KCNN2: variants seen among roughly 807,000 people sequenced by gnomAD.
KCNN2 encodes the protein small conductance calcium-activated potassium channel protein 2.
In KCNN2, 24 loss-of-function variants were observed where a neutral mutation model predicts 55.5. The observed-to-expected ratio is 0.43, with a 90% CI of 0.31 to 0.61. KCNN2 has a LOEUF of 0.61. KCNN2 is among the 20% of genes least tolerant of loss of function. The pLI is 0.08. For missense variants in KCNN2, 754 were observed against 853.6 expected (o/e 0.88, Z 1.45); for synonymous variants, 431 against 336.1 (o/e 1.28, Z -3.09).
At chr5:114,193,768 A>G (rs1047296129) in intron 1 of KCNN2, among the ~76,000 whole-genome samples, 1 of 152,022 alleles carries the variant, frequency 6.6e-6, no homozygotes, top group Non-Finnish European at 1.5e-5. Flanking sequence ...CTACCCTAGA[A>G]TTCAAGCTCT....
intron 2 of KCNN2, among the ~76,000 whole-genome samples, chr5:114,300,276 T>G (rs1756126188): frequency 6.6e-6 from 1 of 152,198 alleles, no homozygotes; most frequent in Non-Finnish European, 1.5e-5. Flanking sequence ...AAAGTCTGCT[T>G]TGGAGTTAAA....
intron 1 of KCNN2, among the ~76,000 whole-genome samples, chr5:114,075,606 A>G (rs963483405): frequency 4.6e-5 from 7 of 152,236 alleles, no homozygotes; most frequent in African/African-American, 1.7e-4. Flanking sequence ...TTGGCCACAA[A>G]TCCTTCCCAC....
chr5:114,126,452 C>G (rs918531191), intron 1 of KCNN2, among the ~76,000 whole-genome samples: 1 of 152,058 alleles, frequency 6.6e-6, no homozygotes, highest in Non-Finnish European at 1.5e-5. Flanking sequence ...GGGGAAGCCC[C>G]TTATAAAATC....
At chr5:114,467,912 G>A (rs1186494887) in intron 4 of KCNN2, among the ~76,000 whole-genome samples, 1 of 152,224 alleles carries the variant, frequency 6.6e-6, no homozygotes, top group African/African-American at 2.4e-5. Context: ...TTTAAACCGA[G>A]GGATGATTCA....
intron 2 of KCNN2, among the ~76,000 whole-genome samples, chr5:114,262,134 G>A (rs992613283): frequency 6.6e-6 from 1 of 152,094 alleles, no homozygotes; most frequent in Admixed American, 6.6e-5. Context: ...TGCTTGTGCC[G>A]ATCTATATTT....
intron 1 of KCNN2, among the ~76,000 whole-genome samples, chr5:114,122,371 A>T (rs1003851164): frequency 6.6e-6 from 1 of 152,166 alleles, no homozygotes; most frequent in African/African-American, 2.4e-5. Flanking sequence ...ACAGGAAGAG[A>T]TGGTGCTTTA....
At chr5:114,459,082 G>A (rs1006979730) in intron 3 of KCNN2, among the ~76,000 whole-genome samples, 3 of 152,214 alleles carry the variant, frequency 2.0e-5, no homozygotes. Context: ...AAGAAAGAGT[G>A]TGAGACCCTT....
chr5:114,362,965 C>G lies in KCNN2; in HGVS notation c.826C>G (p.Pro276Ala), dbSNP rs1397755315. The G allele has an allele frequency of 1.3e-6, 2 of 1,588,788 alleles. No individual in the cohort carries two copies. Among genetic ancestry groups the G allele is most frequent in the East Asian group, 2.3e-5 (1 of 43,816 alleles). The change falls in exon 1 of 8, where the codon CCC (proline) becomes GCC (alanine). Residue 276 changes from proline to alanine, a missense_variant. Physicochemically the swap from Pro to Ala is conservative, Grantham distance 27 (BLOSUM62 -1). Coordinates refer to ENST00000673685, the MANE Select transcript of KCNN2 (RefSeq NM_021614.4). Reference protein sequence around the residue: ...AAAAAVSSSAPEIVVSKPEHN... With the variant: ...AAAAAVSSSAAEIVVSKPEHN... ...CGCCGCCGCTGTTTCGTCCTCAGCC[C>G]CCGAGATCGTGGTGTCTAAGCCCGA... is the stretch of plus-strand genomic sequence containing the variant.
intron 1 of KCNN2, chr5:114,056,577 A>C (rs1485378667): frequency 2.5e-6 from 1 of 394,742 alleles, no homozygotes; most frequent in Non-Finnish European, 4.5e-6. Context: ...GAGGATACTA[A>C]AGTGAAGTTT....
intron 1 of KCNN2, among the ~76,000 whole-genome samples, chr5:114,085,290 T>C (rs764213265): frequency 3.3e-5 from 5 of 151,964 alleles, no homozygotes; most frequent in African/African-American, 4.8e-5. Flanking sequence ...TTGTATTGAA[T>C]CTATGGGGCA....
chr5:114,362,861 C>T lies in KCNN2; in HGVS notation c.722C>T (p.Ser241Leu). The T allele has an allele frequency of 6.3e-7, 1 of 1,599,876 alleles. No individual in the cohort carries two copies. Among genetic ancestry groups the T allele is most frequent in the Non-Finnish European group, 8.5e-7 (1 of 1,178,916 alleles). ...CGCCGGAACCTGCACGAGATGGACT[C>T]AGAGGCGCAGCCCCTGCAGCCCCCC... ...ASRRNLHEMD[S>L]EAQPLQPPAS... The change falls in exon 1 of 8, where the codon TCA becomes TTA. Residue 241 changes from serine to leucine, a missense_variant. Around this residue, in one of 4 missense-constraint regions of KCNN2, gnomAD observed 381 missense variants for 259.1 expected, o/e 1.47. Coordinates refer to ENST00000673685, the MANE Select transcript of KCNN2 (RefSeq NM_021614.4).
chr5:114,236,499 C>T (rs1443877142), intron 2 of KCNN2, among the ~76,000 whole-genome samples: 1 of 151,910 alleles, frequency 6.6e-6, no homozygotes, highest in Non-Finnish European at 1.5e-5. Context: ...CTCATGAATC[C>T]AGAATCTAAA....
chr5:114,324,902 G>C (rs1756686648), intron 2 of KCNN2, among the ~76,000 whole-genome samples: 1 of 152,064 alleles, frequency 6.6e-6, no homozygotes, highest in South Asian at 2.1e-4. Context: ...TGAAGTACAG[G>C]GTAAAGAAAA....
At chr5:114,060,456 CAAGG>C (rs1310076184) in intron 1 of KCNN2, among the ~76,000 whole-genome samples, 1 of 152,182 alleles carries the variant, frequency 6.6e-6, no homozygotes, top group African/African-American at 2.4e-5. Flanking sequence ...TGAAAGGGTG[CAAGG>C]AAGGAAGGAA....
At chr5:114,397,894 A>G (rs939276354) in intron 2 of KCNN2, among the ~76,000 whole-genome samples, 3 of 152,086 alleles carry the variant, frequency 2.0e-5, no homozygotes, top group Middle Eastern at 3.4e-3. Context: ...TGTTTCTTGT[A>G]AATTTGTTTG....
At chr5:114,195,681 T>C (rs1753541188) in intron 1 of KCNN2, among the ~76,000 whole-genome samples, 1 of 152,032 alleles carries the variant, frequency 6.6e-6, no homozygotes, top group South Asian at 2.1e-4. Context: ...TATCTTTTTA[T>C]TGGCTAATTA....
At chr5:114,175,073 G>A (rs769574346) in intron 1 of KCNN2, among the ~76,000 whole-genome samples, 2 of 152,188 alleles carry the variant, frequency 1.3e-5, no homozygotes, top group Non-Finnish European at 2.9e-5. Context: ...TTCTCAGCAT[G>A]TTATGACAGT....
At chr5:114,260,357 T>TAA (rs1454992682) in intron 2 of KCNN2, among the ~76,000 whole-genome samples, 48 of 152,362 alleles carry the variant, frequency 3.2e-4, no homozygotes, top group African/African-American at 1.2e-3. Flanking sequence ...TAAATTGCTC[T>TAA]ATACCTCAGC....
In KCNN2 at chr5:114,404,435, C is replaced by T; in HGVS notation, c.1219-3C>T. 1 of 1,605,232 alleles carries T rather than the reference C, an allele frequency of 6.2e-7. No homozygotes were observed. The highest frequency in any genetic ancestry group is 1.3e-5 in the African/African-American group (1 of 74,648). On this transcript the variant is annotated splice_polypyrimidine_tract_variant and splice_region_variant and intron_variant, in intron 2 of 7. Coordinates refer to ENST00000673685, the MANE Select transcript of KCNN2 (RefSeq NM_021614.4). ...AAGCTGATTTTCTACTTTATTTTTT[C>T]AGTTGTTCATGGTGGACAATGGAGC... is the stretch of plus-strand genomic sequence containing the variant.
Sources: allele counts gnomAD v4.1 joint callset (sites outside exome capture counted in the v4.1 genomes callset), GRCh38; gene constraint gnomAD v4.1.1; regional missense constraint gnomAD v4.1.1; transcripts MANE v1.5; gene names NCBI Gene and HGNC (gene_info 2026-07-23, HGNC 2026-07-21).